Variants in SKAP1 observed in about 807,000 individuals in gnomAD.
SKAP1 encodes the protein src kinase-associated phosphoprotein 1.
Under a neutral mutation model 58.5 loss-of-function variants are expected in SKAP1, and 44 were observed. That is an observed-to-expected ratio of 0.75 (90% CI 0.59 to 0.97). The LOEUF is 0.97. Ranked by LOEUF, SKAP1 falls within the 50% of genes least tolerant of loss-of-function variation. The pLI is 0.00. For synonymous variants in SKAP1, 127 were observed against 149.7 expected (o/e 0.85, Z 1.11); for missense variants, 390 against 435.2 (o/e 0.90, Z 0.92).
At chr17:48,300,334 G>T (rs79209081) in intron 4 of SKAP1, among the ~76,000 whole-genome samples, 3,122 of 152,326 alleles carry the variant, frequency 0.02, 116 homozygotes, top group African/African-American at 0.072. Flanking sequence ...CTGTGAGAGA[G>T]TTCTGGGACA....
At chr17:48,366,168 A>C (rs979339359) in intron 2 of SKAP1, among the ~76,000 whole-genome samples, 2 of 152,182 alleles carry the variant, frequency 1.3e-5, no homozygotes, top group African/African-American at 4.8e-5. Context: ...CCCAGTGAGT[A>C]TATTGGTTAT....
At chr17:48,148,826 A>G (rs1276264724) in intron 11 of SKAP1, among the ~76,000 whole-genome samples, 3 of 152,208 alleles carry the variant, frequency 2.0e-5, no homozygotes, top group African/African-American at 7.2e-5. Flanking sequence ...TTAAAAAAAA[A>G]GAAGAAAAGT....
chr17:48,424,399 G>A (rs1200634113), intron 1 of SKAP1, among the ~76,000 whole-genome samples: 1 of 151,292 alleles, frequency 6.6e-6, no homozygotes, highest in Non-Finnish European at 1.5e-5. Context: ...CTAATTTTTT[G>A]TATTTTTAGT....
At chr17:48,296,473 G>A (rs1320786789) in intron 4 of SKAP1, among the ~76,000 whole-genome samples, 1 of 152,122 alleles carries the variant, frequency 6.6e-6, no homozygotes, top group Non-Finnish European at 1.5e-5. Flanking sequence ...TAATACCCAC[G>A]ACTGGCATAA....
chr17:48,165,059 G>T (rs1042265968), intron 10 of SKAP1, among the ~76,000 whole-genome samples: 1 of 152,182 alleles, frequency 6.6e-6, no homozygotes, highest in Non-Finnish European at 1.5e-5. Flanking sequence ...CCTTCTAGTC[G>T]GGGAAGCACC....
intron 8 of SKAP1, among the ~76,000 whole-genome samples, chr17:48,180,767 C>T (rs1241362779): frequency 6.6e-6 from 1 of 152,096 alleles, no homozygotes; most frequent in Non-Finnish European, 1.5e-5. Flanking sequence ...AAATGGGCAA[C>T]AGTGGAAGAT....
At chr17:48,201,250 TTCTC>T (rs576443817) in intron 4 of SKAP1, among the ~76,000 whole-genome samples, 157 of 150,932 alleles carry the variant, frequency 1.0e-3, no homozygotes, top group Non-Finnish European at 5.8e-4. Flanking sequence ...AGAAATAAAT[TTCTC>T]TCTCTCTCTT....
intron 3 of SKAP1, among the ~76,000 whole-genome samples, chr17:48,347,408 C>T (rs2066736433): frequency 6.6e-6 from 1 of 152,100 alleles, no homozygotes; most frequent in Admixed American, 6.5e-5. Context: ...TTATTTCCTA[C>T]AATTAAACTA....
At chr17:48,221,860 A>T (rs1305579416) in intron 4 of SKAP1, among the ~76,000 whole-genome samples, 1 of 152,064 alleles carries the variant, frequency 6.6e-6, no homozygotes, top group African/African-American at 2.4e-5. Context: ...CTTGCCCTAA[A>T]CTCACTTATC....
intron 2 of SKAP1, among the ~76,000 whole-genome samples, chr17:48,364,302 G>T (rs929804593): frequency 6.6e-6 from 1 of 152,090 alleles, no homozygotes; most frequent in African/African-American, 2.4e-5. Context: ...TACCCAGGCT[G>T]GAGTACAGTG....
chr17:48,387,990 T>C (rs1226523697), intron 2 of SKAP1, among the ~76,000 whole-genome samples: 1 of 152,190 alleles, frequency 6.6e-6, no homozygotes, highest in East Asian at 1.9e-4. Context: ...TAGTTCAGTA[T>C]TACCCAAAAA....
At chr17:48,162,190 TC>T (rs2064078641) in intron 11 of SKAP1, among the ~76,000 whole-genome samples, 1 of 152,174 alleles carries the variant, frequency 6.6e-6, no homozygotes, top group Non-Finnish European at 1.5e-5. Flanking sequence ...GGTCTTGAAC[TC>T]CTGAGCTGAG....
chr17:48,408,073 T>C (rs746305216), intron 1 of SKAP1, among the ~76,000 whole-genome samples: 1 of 152,204 alleles, frequency 6.6e-6, no homozygotes, highest in Non-Finnish European at 1.5e-5. Flanking sequence ...ACAAAAGTGG[T>C]AAGAGTTCAA....
intron 4 of SKAP1, among the ~76,000 whole-genome samples, chr17:48,261,690 A>G (rs1038738566): frequency 2.6e-5 from 4 of 152,136 alleles, no homozygotes; most frequent in African/African-American, 7.2e-5. Flanking sequence ...TCAGGAAGAA[A>G]CTTCCTAGGC....
At chr17:48,354,176 A>G (rs1405109763) in intron 3 of SKAP1, among the ~76,000 whole-genome samples, 1 of 152,172 alleles carries the variant, frequency 6.6e-6, no homozygotes, top group Non-Finnish European at 1.5e-5. Flanking sequence ...CAATACCACT[A>G]AAGCTGTAAT....
chr17:48,342,132 A>G (rs1183008766), intron 4 of SKAP1, among the ~76,000 whole-genome samples: 1 of 152,200 alleles, frequency 6.6e-6, no homozygotes, highest in Non-Finnish European at 1.5e-5. Flanking sequence ...TGGCTCTTGT[A>G]CTAAGTATTG....
At position 48,408,806 on chromosome 17, in the gene SKAP1, C is replaced by A. The variant is rs907240354; in HGVS notation, c.47-12021G>T. 2.6e-5 allele frequency among the ~76,000 whole-genome samples: 4 copies of A among 152,086 alleles called. No homozygotes were observed. The East Asian group carries it at 5.8e-4, about 22-fold the overall frequency. On this transcript the variant is annotated intron_variant, in intron 1 of 12. Coordinates refer to ENST00000336915, the MANE Select transcript of SKAP1 (RefSeq NM_003726.4). ...GATACTAAGGAAAGAAACTGTAGAC[C>A]AATATACAATACATTTGCCCTTCAA...
intron 4 of SKAP1, among the ~76,000 whole-genome samples, chr17:48,264,203 C>G (rs2065516327): frequency 6.7e-6 from 1 of 148,232 alleles, no homozygotes; most frequent in Non-Finnish European, 1.5e-5. Context: ...TAAAAATCAG[C>G]AACACTACTT....
At chr17:48,444,221 C>T in the SKAP1 span, among the ~76,000 whole-genome samples, 1 of 152,040 alleles carries the variant, frequency 6.6e-6, no homozygotes, top group Non-Finnish European at 1.5e-5. Context: ...TGGTGAAACC[C>T]CATCTCTACT....
Sources: gnomAD v4.1 joint callset for allele counts (sites outside exome capture counted in the v4.1 genomes callset) on GRCh38, gnomAD v4.1.1 for gene constraint, MANE v1.5 for transcripts, NCBI Gene and HGNC (gene_info 2026-07-23, HGNC 2026-07-21) for gene names.